ADCY1: variants seen among roughly 807,000 people sequenced by gnomAD.
ADCY1 encodes adenylate cyclase type 1.
In ADCY1, 28 loss-of-function variants were observed where a neutral mutation model predicts 105.4. The observed-to-expected ratio is 0.27, with a 90% CI of 0.20 to 0.36. The LOEUF (loss-of-function observed/expected upper bound fraction) is 0.36, where lower values mean the gene tolerates loss of function less well. Among genes scored for constraint, ADCY1 ranks in the 10% least tolerant of loss-of-function variants. The pLI is 1.00. For synonymous variants in ADCY1, 655 were observed against 623.8 expected, an observed-to-expected ratio of 1.05 and a Z score of -0.75; for missense variants, 977 against 1,434.2, an observed-to-expected ratio of 0.68 and a Z score of 5.15.
rs1181391885 is a variant in ADCY1, at chr7:45,686,531, C to T, written c.2328-16C>T. 6.2e-7 allele frequency: 1 copy of T among 1,602,748 alleles called. No individual in the cohort carries two copies. Among genetic ancestry groups the T allele is most frequent in the East Asian group, 2.2e-5 (1 of 44,716 alleles). On this transcript the variant is annotated splice_polypyrimidine_tract_variant and intron_variant, in intron 13 of 19. Transcript: ENST00000297323. The surrounding 1 kb of genome is among the most constrained non-coding windows in gnomAD (Gnocchi z 4.3). ...GCTCGGCACTGACTTGGCTTTTCTT[C>T]CTCATCTTCCCCCAGGGGTGGTGCC...
chr7:45,681,368 G>T (rs1167688509), intron 11 of ADCY1, among the ~76,000 whole-genome samples: 1 of 152,140 alleles, frequency 6.6e-6, no homozygotes, highest in African/African-American at 2.4e-5. Flanking sequence ...GGTGGACTCT[G>T]CCCTGGATGC....
chr7:45,674,636 TGCTGGG>T (rs1784423552), intron 8 of ADCY1, among the ~76,000 whole-genome samples: 2 of 152,240 alleles, frequency 1.3e-5, no homozygotes, highest in Non-Finnish European at 2.9e-5. Flanking sequence ...CCTCCCAAAG[TGCTGGG>T]ATTACAGGCG....
Position 45,713,929 on chromosome 7 carries a change from G to A in ADCY1, c.3294G>A (p.Arg1098=). ...PVCPMPGVSV[R]AGLPPHSPGQ... is the part of the protein sequence containing the mutation. ...GCCCCATGCCTGGCGTCTCAGTCAG[G>A]GCTGGGCTCCCTCCACACTCCCCAG... Residue 1098 remains arginine, a synonymous_variant, in exon 20 of 20, where the codon AGG becomes AGA. Coordinates refer to ENST00000297323, the MANE Select transcript of ADCY1 (RefSeq NM_021116.4). 1 of 780,518 alleles carries A rather than the reference G, an allele frequency of 1.3e-6. No individual in the cohort carries two copies. The highest frequency in any genetic ancestry group is 2.4e-6 in the Non-Finnish European group (1 of 418,136). The allele number at this position is 780,518 out of a possible 1,614,324, so 48.3% of individuals were successfully genotyped here.
chr7:45,688,160 G>T (rs1198935810), intron 14 of ADCY1, among the ~76,000 whole-genome samples: 1 of 152,244 alleles, frequency 6.6e-6, no homozygotes, highest in Non-Finnish European at 1.5e-5. Context: ...GGCATCAGGT[G>T]GTCCTCGTCC....
chr7:45,646,506 A>G (rs934130578), intron 4 of ADCY1, among the ~76,000 whole-genome samples: 4 of 152,202 alleles, frequency 2.6e-5, no homozygotes, highest in African/African-American at 9.6e-5. Flanking sequence ...GACAGTAACC[A>G]TGGTGCCAGC....
At chr7:45,578,530 G>A (rs1317070447) in intron 1 of ADCY1, among the ~76,000 whole-genome samples, 1 of 152,212 alleles carries the variant, frequency 6.6e-6, no homozygotes, top group South Asian at 2.1e-4. Flanking sequence ...GGGTGGGGTA[G>A]GGGTGAGTGC....
Position 45,640,850 on chromosome 7 carries a change from TCAGGGCTAG to T in ADCY1, c.1021-7818_1021-7810del, listed in dbSNP as rs545320927. Among the ~76,000 whole-genome samples the T allele has an allele frequency of 3.4e-3, 520 of 152,354 alleles. 3 individuals are homozygous for T. The highest frequency in any genetic ancestry group is 0.012 in the African/African-American group (496 of 41,584). On this transcript the variant is annotated intron_variant, in intron 4 of 19. Coordinates refer to ENST00000297323, the MANE Select transcript of ADCY1 (RefSeq NM_021116.4). ...GCTTATCAGGTTGCTCATTTACCTCTCAGGGCTAGCTGGGAGCCTGGAATTTCCCTTGAA... is the reference window on the plus strand; with the variant it reads ...GCTTATCAGGTTGCTCATTTACCTCTCTGGGAGCCTGGAATTTCCCTTGAA...
chr7:45,574,793 C>T lies in ADCY1; in HGVS notation c.250C>T (p.Pro84Ser), dbSNP rs79229229. ...ALALAELLGAPGPAPGLAKGS... is the reference protein window; with the variant it reads ...ALALAELLGASGPAPGLAKGS... ...GGCGCTGGCCGAGCTGCTGGGCGCG[C>T]CGGGGCCCGCGCCCGGCCTGGCCAA... The change falls in exon 1 of 20, where the codon CCG becomes TCG. Residue 84 changes from proline to serine, a missense_variant. By Grantham distance (74) the Pro-to-Ser change is moderately conservative. This residue lies in a region of ADCY1 where 209 missense variants were observed against 222.5 expected (regional missense o/e 0.94). Coordinates refer to ENST00000297323, the MANE Select transcript of ADCY1 (RefSeq NM_021116.4). This position sits in a 1 kb window ranked among gnomAD's most constrained non-coding sequence, Gnocchi z 7.0. The T allele has an allele frequency of 6.4e-7, 1 of 1,553,818 alleles. No homozygotes were observed. Among genetic ancestry groups the T allele is most frequent in the Admixed American group, 1.9e-5 (1 of 52,248 alleles).
chr7:45,696,371 G>A (rs1447199547), intron 14 of ADCY1, among the ~76,000 whole-genome samples: 2 of 149,866 alleles, frequency 1.3e-5, no homozygotes, highest in East Asian at 2.0e-4. Flanking sequence ...CCTGGGAGGC[G>A]GAGCTTGCAG....
intron 4 of ADCY1, among the ~76,000 whole-genome samples, chr7:45,628,627 G>A (rs935173836): frequency 1.4e-4 from 21 of 152,146 alleles, no homozygotes; most frequent in African/African-American, 4.8e-4. Flanking sequence ...AAATTATTAA[G>A]AAGAGTTCTC....
intron 18 of ADCY1, among the ~76,000 whole-genome samples, chr7:45,709,040 C>T (rs557239000): frequency 1.2e-4 from 18 of 152,190 alleles, no homozygotes; most frequent in African/African-American, 4.1e-4. Flanking sequence ...TTCTACTAGT[C>T]CAGGATACAG....
In ADCY1 at chr7:45,703,171, G is replaced by A. The variant is rs1270067941; in HGVS notation, c.2455-205G>A. ...CTTTGGACATTCTAGCAGATGAGGT[G>A]GTGACTTAGGCAGACATCTGCAGAT... On this transcript the variant is annotated intron_variant, in intron 14 of 19. Transcript: ENST00000297323. This position sits in a 1 kb window ranked among gnomAD's most constrained non-coding sequence, Gnocchi z 5.9. 6.6e-6 allele frequency among the ~76,000 whole-genome samples: 1 copy of A among 152,146 alleles called. No individual in the cohort carries two copies. The highest frequency in any genetic ancestry group is 1.5e-5 in the Non-Finnish European group (1 of 68,036).
At chr7:45,626,841 T>A (rs942680548) in intron 4 of ADCY1, among the ~76,000 whole-genome samples, 3 of 152,212 alleles carry the variant, frequency 2.0e-5, no homozygotes, top group Admixed American at 1.3e-4. Flanking sequence ...GGCCTTGCCC[T>A]AGTGCACTAA....
chr7:45,583,802 GGC>G (rs1288747035), intron 1 of ADCY1, among the ~76,000 whole-genome samples: 1 of 151,946 alleles, frequency 6.6e-6, no homozygotes, highest in Non-Finnish European at 1.5e-5. Flanking sequence ...CACCACGCCT[GGC>G]TAATTTTGTA....
chr7:45,604,768 CTTG>C (rs1244226180), intron 2 of ADCY1, among the ~76,000 whole-genome samples: 11 of 152,132 alleles, frequency 7.2e-5, no homozygotes, highest in Non-Finnish European at 1.3e-4. Flanking sequence ...TTTCTTTTAC[CTTG>C]TTGTTCTTTT....
intron 1 of ADCY1, among the ~76,000 whole-genome samples, chr7:45,581,634 C>T (rs762300876): frequency 2.0e-5 from 3 of 152,164 alleles, no homozygotes; most frequent in Non-Finnish European, 2.9e-5. Flanking sequence ...GAGAAGCAGC[C>T]TGACCACCTA....
chr7:45,607,772 T>G (rs1366759211), intron 2 of ADCY1, among the ~76,000 whole-genome samples: 142 of 152,238 alleles, frequency 9.3e-4, no homozygotes, highest in Non-Finnish European at 1.8e-3. Context: ...AGGACATCAT[T>G]TCATTCTTTT....
At chr7:45,659,503 C>A (rs984271231) in intron 6 of ADCY1, among the ~76,000 whole-genome samples, 2 of 152,190 alleles carry the variant, frequency 1.3e-5, no homozygotes, top group African/African-American at 4.8e-5. Flanking sequence ...CCTGTCCTCA[C>A]CAGAAGATTG....
rs929824908 is a variant in ADCY1 at position 45,692,925 on chromosome 7, A to G, written c.2454+6252A>G. Among the ~76,000 whole-genome samples the G allele has an allele frequency of 3.9e-5, 6 of 152,348 alleles. No homozygotes were observed. The East Asian group carries it at 1.2e-3, about 29-fold the overall frequency. On this transcript the variant is annotated intron_variant, in intron 14 of 19. Coordinates refer to ENST00000297323, the MANE Select transcript of ADCY1 (RefSeq NM_021116.4). ...GAAATTAAATGTTGGTCAAAGGAAAAAAAGGGTCTTTCAGTAATGTTAGCG... is the reference window on the plus strand; with the variant it reads ...GAAATTAAATGTTGGTCAAAGGAAAGAAAGGGTCTTTCAGTAATGTTAGCG...
Sources: gnomAD v4.1 joint callset for allele counts (sites outside exome capture counted in the v4.1 genomes callset) on GRCh38, gnomAD v4.1.1 for gene constraint, gnomAD v4.1.1 regional missense constraint, Gnocchi (gnomAD v3.1) non-coding constraint, MANE v1.5 for transcripts, NCBI Gene and HGNC (gene_info 2026-07-23, HGNC 2026-07-21) for gene names.